Variants in SDCCAG8 observed in about 807,000 individuals in gnomAD.
The protein encoded by SDCCAG8 is serologically defined colon cancer antigen 8.
In SDCCAG8, 74 loss-of-function variants were observed where a neutral mutation model predicts 101.8. That is an observed-to-expected ratio of 0.73 (90% CI 0.60 to 0.88). The LOEUF is 0.88. SDCCAG8 is among the 40% of genes least tolerant of loss of function. SDCCAG8 has a pLI of 0.00. For synonymous variants in SDCCAG8, 281 were observed against 292.9 expected, an observed-to-expected ratio of 0.96 and a Z score of 0.41; for missense variants, 787 against 822.6, an observed-to-expected ratio of 0.96 and a Z score of 0.53.
chr1:243,258,146 C>T (rs2066911885), intron 1 of SDCCAG8, among the ~76,000 whole-genome samples: 1 of 151,626 alleles, frequency 6.6e-6, no homozygotes. Flanking sequence ...GTAGTGGAAA[C>T]ATTTCACCAA....
In SDCCAG8 at chr1:243,378,854, A is replaced by T; in HGVS notation, c.1607A>T (p.His536Leu). The T allele has an allele frequency of 6.2e-7, 1 of 1,614,032 alleles. No homozygotes were observed. The highest frequency in any genetic ancestry group is 1.1e-5 in the South Asian group (1 of 91,084). ...ELLGESEHQL[H>L]LTRQEKDSIQ... The stretch of plus-strand genomic sequence containing the variant: ...CTGGGCGAATCTGAGCACCAACTGC[A>T]CCTCACCAGGTACTCCCTAATCCCA... Residue 536 changes from histidine to leucine, a missense_variant, in exon 13 of 18, where the codon CAC becomes CTC. His to Leu is a moderately conservative substitution (Grantham distance 99, BLOSUM62 -3). Coordinates refer to ENST00000366541, the MANE Select transcript of SDCCAG8 (RefSeq NM_006642.5).
At chr1:243,266,605 C>T (rs2067607352) in intron 1 of SDCCAG8, among the ~76,000 whole-genome samples, 1 of 151,960 alleles carries the variant, frequency 6.6e-6, no homozygotes, top group Non-Finnish European at 1.5e-5. Flanking sequence ...CAGACATGAG[C>T]CACTGTGCCT....
intron 15 of SDCCAG8, among the ~76,000 whole-genome samples, chr1:243,424,647 C>G (rs1222180206): frequency 6.6e-6 from 1 of 151,872 alleles, no homozygotes; most frequent in Non-Finnish European, 1.5e-5. Context: ...GTAACATAAC[C>G]AAGCTCCTGT....
chr1:243,357,607 T>C (rs949099647), intron 12 of SDCCAG8, among the ~76,000 whole-genome samples: 2 of 152,218 alleles, frequency 1.3e-5, no homozygotes, highest in Non-Finnish European at 2.9e-5. Flanking sequence ...CAGCCATTTA[T>C]TTAACTAATA....
intron 14 of SDCCAG8, among the ~76,000 whole-genome samples, chr1:243,417,612 CA>C (rs377544809): frequency 3.3e-5 from 5 of 152,242 alleles, no homozygotes; most frequent in African/African-American, 1.2e-4. Context: ...TAATTTTTGA[CA>C]CTCTGTTTAT....
At chr1:243,382,632 A>T (rs959883585) in intron 13 of SDCCAG8, among the ~76,000 whole-genome samples, 1 of 152,194 alleles carries the variant, frequency 6.6e-6, no homozygotes. Flanking sequence ...TTCAAGTAAG[A>T]AGTCAAGAGG....
intron 16 of SDCCAG8, among the ~76,000 whole-genome samples, chr1:243,483,792 T>C (rs1664251425): frequency 6.6e-6 from 1 of 152,038 alleles, no homozygotes; most frequent in African/African-American, 2.4e-5. Flanking sequence ...CTTGCCGGAT[T>C]CCAGTCCACT....
rs200088256 is a variant in SDCCAG8, at chr1:243,401,734, C to CA, written c.1617-13955dup. On this transcript the variant is annotated intron_variant, in intron 13 of 17. Transcript: ENST00000366541. ...GTTGCCTCAAACCAAATCTGATTTACAAAAAAAAAAAAATGAAGGGGATCA... is the reference window on the plus strand; with the variant it reads ...GTTGCCTCAAACCAAATCTGATTTACAAAAAAAAAAAAAATGAAGGGGATCA... 1.5e-3 allele frequency among the ~76,000 whole-genome samples: 199 copies of CA among 129,268 alleles called. 1 individual carries two copies. Among genetic ancestry groups the CA allele is most frequent in the Middle Eastern group, 4.2e-3 (1 of 240 alleles). 84.8% of individuals were successfully genotyped at this position (129,268 alleles called of 152,430 possible). A position where few individuals can be genotyped will look rare whatever the true frequency, so the allele number is the denominator to read the frequency against.
intron 15 of SDCCAG8, among the ~76,000 whole-genome samples, chr1:243,421,508 C>T (rs569349813): frequency 6.6e-6 from 1 of 152,272 alleles, no homozygotes; most frequent in Admixed American, 6.5e-5. Flanking sequence ...ATGGCAGTGA[C>T]GACTGCTTCT....
chr1:243,479,146 T>C (rs564370583), intron 16 of SDCCAG8, among the ~76,000 whole-genome samples: 1 of 152,220 alleles, frequency 6.6e-6, no homozygotes, highest in South Asian at 2.1e-4. Flanking sequence ...TACATTAACA[T>C]GGTTTATTCA....
intron 9 of SDCCAG8, among the ~76,000 whole-genome samples, chr1:243,327,850 T>C (rs906832760): frequency 6.6e-6 from 1 of 152,224 alleles, no homozygotes; most frequent in Admixed American, 6.5e-5. Flanking sequence ...ACCGGACATA[T>C]ACGTTAAAAT....
intron 6 of SDCCAG8, among the ~76,000 whole-genome samples, chr1:243,295,760 G>A (rs890594286): frequency 1.3e-5 from 2 of 152,002 alleles, no homozygotes; most frequent in African/African-American, 4.8e-5. Context: ...CTGCTTTCCC[G>A]AATAGCATGT....
intron 2 of SDCCAG8, 71 bp from the exon 3 acceptor site, chr1:243,270,907 A>G (rs1345603575): frequency 9.2e-7 from 1 of 1,090,272 alleles, no homozygotes; most frequent in East Asian, 2.4e-5. Flanking sequence ...TATTAGTTGG[A>G]AGGATGGATG....
chr1:243,314,222 G>T (rs1231840268), intron 8 of SDCCAG8, among the ~76,000 whole-genome samples: 2 of 152,184 alleles, frequency 1.3e-5, no homozygotes, highest in Non-Finnish European at 1.5e-5. Context: ...TTACAGAAAG[G>T]AGGAGTGTGT....
intron 11 of SDCCAG8, 51 bp downstream of exon 11, chr1:243,341,224 G>T (rs764122880): frequency 1.4e-5 from 22 of 1,596,474 alleles, no homozygotes; most frequent in Non-Finnish European, 1.9e-5. Context: ...TATTTCCTTT[G>T]AAAAATGTTT....
chr1:243,476,171 C>G, intron 16 of SDCCAG8: 2 of 985,456 alleles, frequency 2.0e-6, no homozygotes, highest in Non-Finnish European at 2.4e-6. Flanking sequence ...CTGTTCAGCT[C>G]AATTGGTCGC....
chr1:243,465,886 A>C (rs1660035666), intron 16 of SDCCAG8, among the ~76,000 whole-genome samples: 2 of 152,150 alleles, frequency 1.3e-5, no homozygotes, highest in South Asian at 4.1e-4. Flanking sequence ...ATTATTTTTA[A>C]TATCCTGGTG....
intron 6 of SDCCAG8, chr1:243,293,624 A>G: frequency 2.7e-6 from 1 of 372,352 alleles, no homozygotes; most frequent in South Asian, 2.1e-5. Flanking sequence ...ATGTGTCAAA[A>G]TTTCAAGACT....
At chr1:243,284,657 A>C (rs934290343) in intron 4 of SDCCAG8, among the ~76,000 whole-genome samples, 1 of 152,254 alleles carries the variant, frequency 6.6e-6, no homozygotes, top group Non-Finnish European at 1.5e-5. Flanking sequence ...TAGGCCGGTT[A>C]GGTGGCAGCA....
Sources: allele counts gnomAD v4.1 joint callset (sites outside exome capture counted in the v4.1 genomes callset), GRCh38; gene constraint gnomAD v4.1.1; transcripts MANE v1.5; gene names NCBI Gene and HGNC (gene_info 2026-07-23, HGNC 2026-07-21).